INVS: variants seen among roughly 807,000 people sequenced by gnomAD.
INVS encodes the protein inversin.
INVS carries 86 observed loss-of-function variants against 108.8 expected under a neutral mutation model. The ratio of observed to expected loss-of-function variants is 0.79; its 90% CI spans 0.66 to 0.95. The LOEUF (loss-of-function observed/expected upper bound fraction) is 0.95, where lower values mean the gene tolerates loss of function less well. INVS is among the 40% of genes least tolerant of loss of function. INVS has a pLI of 0.00. For missense variants in INVS, 1,169 were observed against 1,297.4 expected (o/e 0.90, Z 1.52); for synonymous variants, 455 against 473.5 (o/e 0.96, Z 0.51).
At chr9:100,237,992 C>G (rs1831744327) in intron 5 of INVS, among the ~76,000 whole-genome samples, 2 of 152,140 alleles carry the variant, frequency 1.3e-5, no homozygotes, top group African/African-American at 4.8e-5. Flanking sequence ...GATTCTCCTG[C>G]TTCATCCTCC....
intron 2 of INVS, among the ~76,000 whole-genome samples, chr9:100,119,939 A>G (rs934861155): frequency 1.3e-5 from 2 of 152,352 alleles, no homozygotes; most frequent in Admixed American, 1.3e-4. Flanking sequence ...CTGAAAATTG[A>G]AAAAATAGCA....
At chr9:100,286,842 CCTG>C (rs1340964579) in intron 13 of INVS, among the ~76,000 whole-genome samples, 1 of 152,160 alleles carries the variant, frequency 6.6e-6, no homozygotes, top group Non-Finnish European at 1.5e-5. Flanking sequence ...GCTATAGTTT[CCTG>C]CTATTGCTTC....
intron 3 of INVS, chr9:100,131,799 C>A: frequency 2.4e-6 from 1 of 416,720 alleles, no homozygotes; most frequent in Non-Finnish European, 3.2e-6. Flanking sequence ...CTGGTTGTGG[C>A]TGCATTGTCC....
At chr9:100,265,350 T>C (rs764642896) in intron 11 of INVS, among the ~76,000 whole-genome samples, 4 of 152,212 alleles carry the variant, frequency 2.6e-5, no homozygotes, top group Admixed American at 2.6e-4. Flanking sequence ...ACTATACTCA[T>C]AATAAAACAT....
At chr9:100,241,993 C>A (rs796905918) in intron 6 of INVS, among the ~76,000 whole-genome samples, 3 of 152,268 alleles carry the variant, frequency 2.0e-5, no homozygotes, top group African/African-American at 7.2e-5. Flanking sequence ...TCATCGCTGC[C>A]TTATCATGCC....
intron 3 of INVS, among the ~76,000 whole-genome samples, chr9:100,223,334 T>C (rs1831209083): frequency 6.6e-6 from 1 of 152,134 alleles, no homozygotes; most frequent in African/African-American, 2.4e-5. Flanking sequence ...TGACCTCAAG[T>C]GATCTGCCCA....
intron 8 of INVS, among the ~76,000 whole-genome samples, chr9:100,249,496 T>C (rs907908757): frequency 6.6e-6 from 1 of 152,042 alleles, no homozygotes; most frequent in Non-Finnish European, 1.5e-5. Context: ...AATTTATTTT[T>C]ATTTATTTAT....
intron 2 of INVS, among the ~76,000 whole-genome samples, chr9:100,113,555 CTTTT>C (rs986398225): frequency 1.3e-4 from 20 of 150,910 alleles, no homozygotes; most frequent in African/African-American, 3.9e-4. Flanking sequence ...TATCTGGTGT[CTTTT>C]TTGTTTGTTT....
At chr9:100,105,013 A>G (rs1004985019) in intron 2 of INVS, among the ~76,000 whole-genome samples, 2 of 152,196 alleles carry the variant, frequency 1.3e-5, no homozygotes, top group African/African-American at 2.4e-5. Flanking sequence ...AATTGATTCA[A>G]TGTTCCCCCT....
chr9:100,283,971 G>C (rs1395492745), intron 12 of INVS, among the ~76,000 whole-genome samples: 2 of 152,160 alleles, frequency 1.3e-5, no homozygotes, highest in African/African-American at 2.4e-5. Flanking sequence ...GGAGAAAAAT[G>C]GGTGGAGTTA....
intron 3 of INVS, among the ~76,000 whole-genome samples, chr9:100,161,322 G>A (rs1350160421): frequency 8.1e-6 from 1 of 122,916 alleles, no homozygotes; most frequent in Non-Finnish European, 1.6e-5. Flanking sequence ...TCGCACCACT[G>A]CACTCCAGCC....
rs1163636437 is a variant in INVS at position 100,100,928 on chromosome 9, A to ATGT, written c.-25+1512_-25+1513insTGT. Among the ~76,000 whole-genome samples, 90 of 23,210 alleles carry ATGT rather than the reference A, an allele frequency of 3.9e-3. 6 individuals carry two copies. The highest frequency in any genetic ancestry group is 7.5e-3 in the African/African-American group (24 of 3,200). 15.2% of individuals were successfully genotyped at this position (23,210 alleles called of 152,430 possible). Reference sequence around the variant, plus strand: ...GTATATATATTATATGTATATATATAATATATATAATATATATACATATAT... The same window carrying ATGT: ...GTATATATATTATATGTATATATATATGTATATATATAATATATATACATATAT... On this transcript the variant is annotated intron_variant, in intron 1 of 16. Coordinates refer to ENST00000262457, the MANE Select transcript of INVS (RefSeq NM_014425.5).
chr9:100,104,608 T>C lies in INVS; in HGVS notation c.87T>C (p.Ala29=), dbSNP rs1363213913. The C allele has an allele frequency of 6.2e-7, 1 of 1,613,656 alleles. No homozygotes were observed. Among genetic ancestry groups the C allele is most frequent in the Non-Finnish European group, 8.5e-7 (1 of 1,179,560 alleles). The change falls in exon 2 of 17, where the codon GCT becomes GCC. Residue 29 remains alanine (A), a synonymous_variant. Coordinates refer to ENST00000262457, the MANE Select transcript of INVS (RefSeq NM_014425.5). ...HAAAVNGDKG[A]LQRLIVGNSA... is the part of the protein sequence containing the mutation. ...CTGCCGTTAATGGAGATAAGGGTGC[T>C]CTACAGAGGCTCATCGTAGGTAAGC...
intron 12 of INVS, among the ~76,000 whole-genome samples, chr9:100,277,164 C>T (rs1306170996): frequency 6.6e-6 from 1 of 152,212 alleles, no homozygotes; most frequent in Non-Finnish European, 1.5e-5. Flanking sequence ...CTCTGTCTAG[C>T]AAAAGTTCTT....
chr9:100,230,643 C>T (rs1244194187), intron 5 of INVS, among the ~76,000 whole-genome samples: 2 of 152,074 alleles, frequency 1.3e-5, no homozygotes, highest in African/African-American at 2.4e-5. Flanking sequence ...CTCAGCGTCC[C>T]GGGTAGCTGG....
intron 10 of INVS, among the ~76,000 whole-genome samples, chr9:100,258,429 A>G (rs900328059): frequency 6.6e-6 from 1 of 152,226 alleles, no homozygotes; most frequent in Non-Finnish European, 1.5e-5. Context: ...GTCATTCTCC[A>G]TCCAGCTTTG....
intron 14 of INVS, among the ~76,000 whole-genome samples, chr9:100,294,308 T>C (rs1833723328): frequency 6.6e-6 from 1 of 152,036 alleles, no homozygotes; most frequent in Non-Finnish European, 1.5e-5. Flanking sequence ...AGGAAGACGT[T>C]CTCTCCTTAA....
At chr9:100,177,282 C>G (rs958532842) in intron 3 of INVS, among the ~76,000 whole-genome samples, 2 of 152,138 alleles carry the variant, frequency 1.3e-5, no homozygotes, top group Non-Finnish European at 2.9e-5. Flanking sequence ...GAGCACCATT[C>G]TCTCCCCTGG....
chr9:100,150,535 A>T (rs1588041253), intron 3 of INVS, among the ~76,000 whole-genome samples: 1 of 152,182 alleles, frequency 6.6e-6, no homozygotes, highest in Non-Finnish European at 1.5e-5. Context: ...GTAAAAAGGG[A>T]CTTCAAATCC....
Sources: gnomAD v4.1 joint callset for allele counts (sites outside exome capture counted in the v4.1 genomes callset) on GRCh38, gnomAD v4.1.1 for gene constraint, MANE v1.5 for transcripts, NCBI Gene and HGNC (gene_info 2026-07-23, HGNC 2026-07-21) for gene names.